Variants in RYR3 observed in about 807,000 individuals in gnomAD.
The protein encoded by RYR3 is ryanodine receptor 3, also known as brain ryanodine receptor-calcium release channel.
A neutral mutation model predicts 584.3 loss-of-function variants in RYR3; 207 were observed. The ratio of observed to expected loss-of-function variants is 0.35; its 90% CI spans 0.32 to 0.40. The LOEUF is 0.40. Ranked by LOEUF, RYR3 falls within the 10% of genes least tolerant of loss-of-function variation. The pLI is 1.00. For synonymous variants in RYR3, 2,416 were observed against 2,248.5 expected (o/e 1.07, Z -2.11); for missense variants, 5,616 against 6,089.2 (o/e 0.92, Z 2.59).
chr15:33,311,192 T>C lies in RYR3; in HGVS notation c.51+96T>C. 1.0e-6 allele frequency: 1 copy of C among 959,550 alleles called. No homozygotes were observed. Among genetic ancestry groups the C allele is most frequent in the Non-Finnish European group, 1.4e-6 (1 of 707,870 alleles). The allele number at this position is 959,550 out of a possible 1,614,324, so 59.4% of individuals were successfully genotyped here. A position where few individuals can be genotyped will look rare whatever the true frequency, so the allele number is the denominator to read the frequency against. On this transcript the variant is annotated intron_variant, in intron 1 of 103. Transcript: ENST00000634891. This position sits in a 1 kb window ranked among gnomAD's most constrained non-coding sequence, Gnocchi z 4.4. ...GGCTGCGCTGCGCCGCGGTGCCGGG[T>C]GCCCGGTGCCGGGCGCTTTCTCCGC...
intron 1 of RYR3, among the ~76,000 whole-genome samples, chr15:33,363,547 A>C (rs1390216356): frequency 6.6e-6 from 1 of 152,166 alleles, no homozygotes; most frequent in African/African-American, 2.4e-5. Context: ...TATTTTAAAA[A>C]ACCCTATTTT....
intron 45 of RYR3, among the ~76,000 whole-genome samples, chr15:33,724,630 A>G (rs963722129): frequency 1.3e-5 from 2 of 152,178 alleles, no homozygotes; most frequent in South Asian, 2.1e-4. Context: ...AAACATCACA[A>G]AAGGATGGTT....
chr15:33,775,346 G>A (rs11856682), intron 64 of RYR3, among the ~76,000 whole-genome samples: 2,710 of 151,880 alleles, frequency 0.018, 75 homozygotes, highest in African/African-American at 0.062. Context: ...AGAAGGATGT[G>A]TGTGCTTGTG....
In RYR3 at chr15:33,827,167, G is replaced by A. The variant is rs1002100620; in HGVS notation, c.11246-32G>A. On this transcript the variant is annotated intron_variant, in intron 84 of 103. Transcript: ENST00000634891. ...TGCTTGGCCCCCTCGGCATGGCAGG[G>A]ACAAGCTCTGACCCAGCACTGGTGC... The A allele has an allele frequency of 1.9e-6, 3 of 1,541,166 alleles. No individual in the cohort carries two copies. In the African/African-American group the frequency reaches 4.1e-5, roughly 21 times the overall value.
chr15:33,328,271 T>G (rs1969976989), intron 1 of RYR3, among the ~76,000 whole-genome samples: 1 of 152,224 alleles, frequency 6.6e-6, no homozygotes, highest in Non-Finnish European at 1.5e-5. Context: ...GAGTTCCCTG[T>G]GTGGGCTGTT....
intron 16 of RYR3, among the ~76,000 whole-genome samples, chr15:33,596,972 C>A (rs1209268540): frequency 6.6e-6 from 1 of 151,962 alleles, no homozygotes. Context: ...TTGAAATAGA[C>A]AATAACAGTT....
At chr15:33,365,028 A>G (rs958692388) in intron 1 of RYR3, among the ~76,000 whole-genome samples, 1 of 152,246 alleles carries the variant, frequency 6.6e-6, no homozygotes, top group Non-Finnish European at 1.5e-5. Flanking sequence ...ACAGAGGGAC[A>G]TGTAACTAAG....
At chr15:33,511,237 G>GA (rs2052961593) in intron 3 of RYR3, among the ~76,000 whole-genome samples, 1 of 145,096 alleles carries the variant, frequency 6.9e-6, no homozygotes, top group African/African-American at 2.5e-5. Flanking sequence ...AGAAAAACAG[G>GA]AAAAACAAAC....
intron 1 of RYR3, among the ~76,000 whole-genome samples, chr15:33,326,334 T>C (rs981891558): frequency 2.6e-5 from 4 of 152,186 alleles, no homozygotes; most frequent in Non-Finnish European, 5.9e-5. Context: ...GTACTTACTA[T>C]GTAAAAGGCA....
Position 33,634,570 on chromosome 15 carries a change from C to G in RYR3, c.3028-16C>G, listed in dbSNP as rs1266186728. On this transcript the variant is annotated splice_polypyrimidine_tract_variant and intron_variant, in intron 24 of 103. Coordinates refer to ENST00000634891, the MANE Select transcript of RYR3 (RefSeq NM_001036.6). The stretch of plus-strand genomic sequence containing the variant: ...GAAATGTTTTCTTGGCACCTTTTTT[C>G]TCTGGCGTCACATAGGATTTGAAGA... 6.2e-7 allele frequency: 1 copy of G among 1,612,816 alleles called. No individual in the cohort carries two copies. Among genetic ancestry groups the G allele is most frequent in the African/African-American group, 1.3e-5 (1 of 74,786 alleles).
intron 38 of RYR3, among the ~76,000 whole-genome samples, chr15:33,692,636 T>TTA (rs2065519610): frequency 6.6e-6 from 1 of 151,436 alleles, no homozygotes; most frequent in Admixed American, 6.6e-5. Context: ...TTTTTTTTTT[T>TTA]AACTGTACTT....
chr15:33,547,375 T>C (rs1485204932), intron 8 of RYR3, among the ~76,000 whole-genome samples: 4 of 152,124 alleles, frequency 2.6e-5, no homozygotes, highest in Admixed American at 2.0e-4. Flanking sequence ...AAAATTAAGG[T>C]GAAATTCAAA....
At chr15:33,651,006 G>A (rs889348982) in intron 31 of RYR3, among the ~76,000 whole-genome samples, 12 of 152,310 alleles carry the variant, frequency 7.9e-5, no homozygotes, top group African/African-American at 2.9e-4. Flanking sequence ...AGGCAGAAGT[G>A]TCCACCTCAT....
At chr15:33,350,035 A>T (rs1973035725) in intron 1 of RYR3, among the ~76,000 whole-genome samples, 1 of 151,902 alleles carries the variant, frequency 6.6e-6, no homozygotes, top group African/African-American at 2.4e-5. Flanking sequence ...TGCTATTGTG[A>T]ATAGTGCTGC....
intron 81 of RYR3, among the ~76,000 whole-genome samples, chr15:33,823,881 G>A (rs1387823913): frequency 6.6e-6 from 1 of 152,098 alleles, no homozygotes; most frequent in East Asian, 1.9e-4. Flanking sequence ...ATTTAAAAAT[G>A]TGGAGGATGG....
At chr15:33,319,442 G>T (rs1036153873) in intron 1 of RYR3, among the ~76,000 whole-genome samples, 1 of 152,170 alleles carries the variant, frequency 6.6e-6, no homozygotes, top group Non-Finnish European at 1.5e-5. Flanking sequence ...TAGGACAGTG[G>T]TTTTCCTCCA....
intron 98 of RYR3, among the ~76,000 whole-genome samples, chr15:33,857,157 G>A (rs984584625): frequency 9.2e-5 from 14 of 152,104 alleles, no homozygotes; most frequent in Admixed American, 2.0e-4. Context: ...CTGCCAGAAC[G>A]AAGTACTACA....
chr15:33,412,480 G>A lies in RYR3; in HGVS notation c.52-60939G>A, dbSNP rs1056866947. On this transcript the variant is annotated intron_variant, in intron 1 of 103. Coordinates refer to ENST00000634891, the MANE Select transcript of RYR3 (RefSeq NM_001036.6). The surrounding 1 kb of genome is among the most constrained non-coding windows in gnomAD (Gnocchi z 4.3). ...TCAAATAATTTGGTTGTCACCAGTA[G>A]GATCACTTTGAAGCCACCCTGGCCA... 2.0e-5 allele frequency among the ~76,000 whole-genome samples: 3 copies of A among 152,144 alleles called. No homozygotes were observed. The highest frequency in any genetic ancestry group is 6.5e-5 in the Admixed American group (1 of 15,276).
At chr15:33,758,549 C>T (rs1053267087) in intron 60 of RYR3, among the ~76,000 whole-genome samples, 2 of 152,138 alleles carry the variant, frequency 1.3e-5, no homozygotes, top group African/African-American at 4.8e-5. Flanking sequence ...GGGTGTGGAA[C>T]GCACCACAGC....
Sources: allele counts gnomAD v4.1 joint callset (sites outside exome capture counted in the v4.1 genomes callset), GRCh38; gene constraint gnomAD v4.1.1; non-coding constraint Gnocchi (gnomAD v3.1); transcripts MANE v1.5; gene names NCBI Gene and HGNC (gene_info 2026-07-23, HGNC 2026-07-21).